CCDC112: variants seen among roughly 807,000 people sequenced by gnomAD.
CCDC112 encodes coiled-coil domain containing 112.
A neutral mutation model predicts 66.3 loss-of-function variants in CCDC112; 40 were observed. That is an observed-to-expected ratio of 0.60 (90% CI 0.47 to 0.79). The LOEUF (loss-of-function observed/expected upper bound fraction) is 0.79, where lower values mean the gene tolerates loss of function less well. Ranked by LOEUF, CCDC112 falls within the 30% of genes least tolerant of loss-of-function variation. The pLI is 0.00. For synonymous variants in CCDC112, 214 were observed against 197.2 expected (o/e 1.09, Z -0.71); for missense variants, 659 against 603.8 (o/e 1.09, Z -0.96).
Position 115,296,497 on chromosome 5 carries a change from AC to A in CCDC112, c.46del (p.Val16Ter). 1 of 1,554,336 alleles carries A rather than the reference AC, an allele frequency of 6.4e-7. No homozygotes were observed. The highest frequency in any genetic ancestry group is 8.6e-7 in the Non-Finnish European group (1 of 1,156,962). ...TVVVAAAATAVAGAVAGAGAA... is the reference protein window; with the variant it reads ...TVVVAAAATAXAGAVAGAGAA... ...GCCCGCCCCTGCCACAGCCCCGGCT[AC>A]CGCGGTGGCCGCAGCCGCTACCACA... is the stretch of plus-strand genomic sequence containing the variant. On this transcript the variant is annotated frameshift_variant, in exon 1 of 10. Transcript: ENST00000379611. LOFTEE classifies it high-confidence loss of function.
chr5:115,274,887 C>T (rs1206146984), intron 6 of CCDC112, among the ~76,000 whole-genome samples: 1 of 152,172 alleles, frequency 6.6e-6, no homozygotes, highest in Non-Finnish European at 1.5e-5. Flanking sequence ...ACCACAGGTG[C>T]GTGGCACCAT....
chr5:115,269,075 G>T, intron 8 of CCDC112, 75 bp from the exon 9 acceptor site: 1 of 785,644 alleles, frequency 1.3e-6, no homozygotes. Flanking sequence ...AAAAGCCTTA[G>T]TGCAGTTTTA....
chr5:115,293,086 G>A (rs1046634820), intron 1 of CCDC112, among the ~76,000 whole-genome samples: 22 of 152,200 alleles, frequency 1.4e-4, no homozygotes, highest in African/African-American at 4.6e-4. Flanking sequence ...ATTACGCTAA[G>A]TGAAACAGAG....
chr5:115,279,793 T>C (rs777074952), intron 2 of CCDC112, 25 bp from the exon 3 acceptor site: 3 of 1,199,988 alleles, frequency 2.5e-6, no homozygotes, highest in African/African-American at 3.1e-5. Flanking sequence ...ACAAATAGTA[T>C]AAATATGATC....
chr5:115,283,796 C>A (rs912670565), intron 2 of CCDC112, among the ~76,000 whole-genome samples: 5 of 151,988 alleles, frequency 3.3e-5, no homozygotes, highest in Admixed American at 3.3e-4. Flanking sequence ...ATAATAGGCT[C>A]CTTTTCTCAT....
chr5:115,292,925 G>C (rs1018041834), intron 1 of CCDC112, among the ~76,000 whole-genome samples: 2 of 152,226 alleles, frequency 1.3e-5, no homozygotes, highest in African/African-American at 4.8e-5. Context: ...GACAAACAAG[G>C]ATGAGGACTG....
chr5:115,279,585 C>A, intron 3 of CCDC112, 62 bp downstream of exon 3: 1 of 1,550,930 alleles, frequency 6.4e-7, no homozygotes, highest in Non-Finnish European at 8.8e-7. Flanking sequence ...AGACAAAGCA[C>A]AGGGTAAAAC....
Position 115,271,452 on chromosome 5 carries a change from T to G in CCDC112, c.1093A>C (p.Lys365Gln), listed in dbSNP as rs1379890868. 6.2e-7 allele frequency: 1 copy of G among 1,612,138 alleles called. No individual in the cohort carries two copies. The highest frequency in any genetic ancestry group is 8.5e-7 in the Non-Finnish European group (1 of 1,179,662). Residue 365 changes from lysine (K) to glutamine (Q), a missense_variant, in exon 7 of 10, where the codon AAA (lysine) becomes CAA (glutamine). Transcript: ENST00000379611. ...CATTTCATTGACATTTCTATACTTT[T>G]CTGTTTCTTCCAAGCTTCAACTGCC... ...KLAVEAWKKQ[K>Q]SIEMSMKCAS... is the part of the protein sequence containing the mutation.
chr5:115,269,846 T>G, intron 7 of CCDC112, 48 bp from the exon 8 acceptor site: 4 of 1,200,242 alleles, frequency 3.3e-6, no homozygotes, highest in Non-Finnish European at 4.6e-6. Flanking sequence ...GAACTAGAAT[T>G]TGTTCAAAAT....
intron 2 of CCDC112, among the ~76,000 whole-genome samples, chr5:115,284,462 G>A (rs1053939707): frequency 6.6e-6 from 1 of 151,998 alleles, no homozygotes; most frequent in African/African-American, 2.4e-5. Flanking sequence ...ACATTTACCA[G>A]GCATTTAGTT....
At chr5:115,272,869 C>G (rs576968803) in intron 6 of CCDC112, among the ~76,000 whole-genome samples, 1 of 152,270 alleles carries the variant, frequency 6.6e-6, no homozygotes, top group Non-Finnish European at 1.5e-5. Context: ...AAATACCAGT[C>G]TGCAAAAATA....
intron 9 of CCDC112, among the ~76,000 whole-genome samples, chr5:115,268,676 A>C (rs1259813948): frequency 6.8e-6 from 1 of 147,800 alleles, no homozygotes; most frequent in Non-Finnish European, 1.5e-5. Flanking sequence ...ATATTTATAG[A>C]TATTATATAT....
chr5:115,293,324 G>GT (rs767733689), intron 1 of CCDC112, among the ~76,000 whole-genome samples: 1 of 151,964 alleles, frequency 6.6e-6, no homozygotes, highest in African/African-American at 2.4e-5. Flanking sequence ...AATTTCAAAT[G>GT]TTTCACCAGA....
chr5:115,283,796 C>T (rs912670565), intron 2 of CCDC112, among the ~76,000 whole-genome samples: 1 of 151,988 alleles, frequency 6.6e-6, no homozygotes. Context: ...ATAATAGGCT[C>T]CTTTTCTCAT....
At chr5:115,275,097 C>G (rs539106898) in intron 6 of CCDC112, 119 bp downstream of exon 6, 3 of 762,958 alleles carry the variant, frequency 3.9e-6, no homozygotes, top group Non-Finnish European at 6.1e-6. Flanking sequence ...TTGTCGGGGG[C>G]GGGGAACTAT....
At chr5:115,293,301 C>T (rs1750014999) in intron 1 of CCDC112, among the ~76,000 whole-genome samples, 1 of 151,790 alleles carries the variant, frequency 6.6e-6, no homozygotes, top group African/African-American at 2.4e-5. Flanking sequence ...TTGTGTATCT[C>T]AAAATAAGAG....
At chr5:115,272,819 T>C (rs1749062626) in intron 6 of CCDC112, among the ~76,000 whole-genome samples, 1 of 152,138 alleles carries the variant, frequency 6.6e-6, no homozygotes, top group Admixed American at 6.5e-5. Flanking sequence ...TGAAACAATA[T>C]TAAAACTATA....
intron 1 of CCDC112, among the ~76,000 whole-genome samples, chr5:115,292,384 T>C (rs1418165486): frequency 1.3e-5 from 2 of 152,208 alleles, no homozygotes; most frequent in African/African-American, 4.8e-5. Context: ...AAGATTTCTA[T>C]TTCATTCCCA....
intron 1 of CCDC112, among the ~76,000 whole-genome samples, chr5:115,292,347 T>C (rs771348436): frequency 2.0e-5 from 3 of 151,322 alleles, no homozygotes; most frequent in Non-Finnish European, 3.0e-5. Flanking sequence ...TTCTACTTGA[T>C]TCTTTTTTAA....
Sources: gnomAD v4.1 joint callset for allele counts (sites outside exome capture counted in the v4.1 genomes callset) on GRCh38, gnomAD v4.1.1 for gene constraint, MANE v1.5 for transcripts, NCBI Gene and HGNC (gene_info 2026-07-23, HGNC 2026-07-21) for gene names.